Variants in CDK19 observed in about 807,000 individuals in gnomAD.
The protein encoded by CDK19 is cyclin-dependent kinase 19.
A neutral mutation model predicts 68.3 loss-of-function variants in CDK19; 20 were observed. That is an observed-to-expected ratio of 0.29 (90% CI 0.21 to 0.43). The LOEUF is 0.43. Ranked by LOEUF, CDK19 falls within the 20% of genes least tolerant of loss-of-function variation. CDK19 has a pLI of 1.00. For synonymous variants in CDK19, 221 were observed against 222.8 expected (o/e 0.99, Z 0.07); for missense variants, 339 against 623.5 (o/e 0.54, Z 4.86).
At chr6:110,693,789 G>A (rs1056702465) in intron 2 of CDK19, among the ~76,000 whole-genome samples, 5 of 152,020 alleles carry the variant, frequency 3.3e-5, no homozygotes, top group African/African-American at 4.8e-5. Context: ...CCTACCTGAT[G>A]GTTTTTCTCT....
intron 4 of CDK19, among the ~76,000 whole-genome samples, chr6:110,664,453 G>T (rs763471740): frequency 6.6e-6 from 1 of 152,084 alleles, no homozygotes; most frequent in African/African-American, 2.4e-5. Flanking sequence ...TTTCTTCAAG[G>T]CTCCTTGAGA....
intron 1 of CDK19, among the ~76,000 whole-genome samples, chr6:110,806,822 C>CA (rs1782712662): frequency 6.6e-6 from 1 of 150,970 alleles, no homozygotes; most frequent in African/African-American, 2.4e-5. Flanking sequence ...ACTAAAAATA[C>CA]AAAAAATTAG....
intron 2 of CDK19, among the ~76,000 whole-genome samples, chr6:110,737,704 T>A (rs568347841): frequency 6.6e-6 from 1 of 152,298 alleles, no homozygotes; most frequent in South Asian, 2.1e-4. Context: ...CAAACTCCAA[T>A]CCCAAACTCT....
chr6:110,646,263 T>G (rs1780567486), intron 4 of CDK19: 1 of 1,503,686 alleles, frequency 6.7e-7, no homozygotes, highest in African/African-American at 1.4e-5. Flanking sequence ...CACACATAGT[T>G]GCGTGTGCTG....
intron 4 of CDK19, among the ~76,000 whole-genome samples, chr6:110,652,931 G>A (rs1781068422): frequency 6.6e-6 from 1 of 152,146 alleles, no homozygotes; most frequent in Non-Finnish European, 1.5e-5. Context: ...GAGCTCTTTT[G>A]CACAGTTTGA....
intron 2 of CDK19, among the ~76,000 whole-genome samples, chr6:110,707,768 T>C (rs938807042): frequency 1.3e-5 from 2 of 151,966 alleles, no homozygotes; most frequent in African/African-American, 2.4e-5. Flanking sequence ...GGTCAGGAGT[T>C]TGAGAGCAGC....
intron 2 of CDK19, among the ~76,000 whole-genome samples, chr6:110,711,739 G>A (rs1187584578): frequency 2.6e-5 from 4 of 152,238 alleles, no homozygotes; most frequent in East Asian, 1.9e-4. Flanking sequence ...AGGCCAAGGC[G>A]GGTGGATCAC....
chr6:110,629,677 A>C lies in CDK19; in HGVS notation c.646+2353T>G, dbSNP rs186397847. 2.4e-4 allele frequency among the ~76,000 whole-genome samples: 37 copies of C among 152,286 alleles called. No homozygotes were observed. In the East Asian group the frequency reaches 4.2e-3, roughly 17 times the overall value. On this transcript the variant is annotated intron_variant, in intron 6 of 12. Transcript: ENST00000368911. ...CCCTAAGTACTCATTTCTAACATGG[A>C]CCATGTATGGAGAAGAGTACGAAAA...
chr6:110,794,598 TTTCACCATCTTAGCCAGGA>T (rs1253986311), intron 1 of CDK19, among the ~76,000 whole-genome samples: 2 of 151,044 alleles, frequency 1.3e-5, no homozygotes, highest in Non-Finnish European at 3.0e-5. Context: ...AGAGACAGGG[TTTCACCATCTTAGCCAGGA>T]TGGTCTCGAT....
intron 1 of CDK19, among the ~76,000 whole-genome samples, chr6:110,768,988 A>C (rs1193349335): frequency 6.6e-6 from 1 of 151,402 alleles, no homozygotes; most frequent in South Asian, 2.1e-4. Context: ...CCCCATCTCT[A>C]CTAAAAATAC....
Position 110,622,077 on chromosome 6 carries a change from G to A in CDK19, c.1110+11C>T. 6.4e-7 allele frequency: 1 copy of A among 1,563,506 alleles called. No individual in the cohort carries two copies. Among genetic ancestry groups the A allele is most frequent in the Non-Finnish European group, 8.8e-7 (1 of 1,139,574 alleles). On this transcript the variant is annotated intron_variant, in intron 11 of 12. Transcript: ENST00000368911. ...CTCTTTGGAAGTGAAAGTATACCGT[G>A]CAGTTTATACCTTGTCACCTTTTTC...
intron 6 of CDK19, among the ~76,000 whole-genome samples, chr6:110,627,876 T>C (rs1779189905): frequency 6.6e-6 from 1 of 152,162 alleles, no homozygotes; most frequent in Admixed American, 6.5e-5. Context: ...GAGTAGAATT[T>C]ATAAGTTTTG....
chr6:110,655,149 C>T (rs907407057), intron 4 of CDK19, among the ~76,000 whole-genome samples: 5 of 151,694 alleles, frequency 3.3e-5, no homozygotes, highest in South Asian at 4.2e-4. Flanking sequence ...GGGTGGATCA[C>T]GAGGTCAGAA....
intron 2 of CDK19, among the ~76,000 whole-genome samples, chr6:110,691,892 C>T (rs1222507850): frequency 6.6e-5 from 10 of 151,100 alleles, no homozygotes; most frequent in East Asian, 2.0e-4. Flanking sequence ...GTGATCCACC[C>T]GCCTCGGCCT....
intron 2 of CDK19, among the ~76,000 whole-genome samples, chr6:110,726,546 A>G (rs1222789906): frequency 6.6e-6 from 1 of 152,194 alleles, no homozygotes; most frequent in African/African-American, 2.4e-5. Flanking sequence ...ACCTAAGTGA[A>G]TAGGGTGGGG....
At chr6:110,781,553 C>A (rs1310435154) in intron 1 of CDK19, among the ~76,000 whole-genome samples, 1 of 152,042 alleles carries the variant, frequency 6.6e-6, no homozygotes, top group East Asian at 1.9e-4. Flanking sequence ...AAAGCAAGAC[C>A]CGATTCGGGC....
At chr6:110,763,424 T>G (rs547058689) in intron 1 of CDK19, among the ~76,000 whole-genome samples, 6 of 149,694 alleles carry the variant, frequency 4.0e-5, no homozygotes, top group East Asian at 2.0e-4. Flanking sequence ...GTTTTTTTTT[T>G]TTTTTTTTTT....
At chr6:110,689,742 A>G (rs1309326850) in intron 2 of CDK19, among the ~76,000 whole-genome samples, 1 of 152,160 alleles carries the variant, frequency 6.6e-6, no homozygotes, top group Non-Finnish European at 1.5e-5. Context: ...GCTGGTACCC[A>G]CTGCTGAAAG....
At chr6:110,787,607 TTTA>T (rs1399236124) in intron 1 of CDK19, among the ~76,000 whole-genome samples, 5 of 151,868 alleles carry the variant, frequency 3.3e-5, no homozygotes, top group African/African-American at 4.8e-5. Context: ...GCCACCATAT[TTTA>T]TTTTATTTTT....
Sources: allele counts gnomAD v4.1 joint callset (sites outside exome capture counted in the v4.1 genomes callset), GRCh38; gene constraint gnomAD v4.1.1; transcripts MANE v1.5; gene names NCBI Gene and HGNC (gene_info 2026-07-23, HGNC 2026-07-21).